Variants in SCAF8 observed in about 807,000 individuals in gnomAD.
SCAF8 encodes the protein SR-related and CTD-associated factor 8.
In SCAF8, 23 loss-of-function variants were observed where a neutral mutation model predicts 140.5. The observed-to-expected ratio is 0.16, with a 90% confidence interval of 0.12 to 0.23. The LOEUF (loss-of-function observed/expected upper bound fraction) is 0.23, where lower values mean the gene tolerates loss of function less well. Ranked by LOEUF, SCAF8 falls within the 10% of genes least tolerant of loss-of-function variation. The probability of loss-of-function intolerance (pLI) is 1.00; values close to 1 mark genes in which losing one functional copy is unlikely to be tolerated. For missense variants in SCAF8, 1,397 were observed against 1,555.7 expected, an observed-to-expected ratio of 0.90 and a Z score of 1.72; for synonymous variants, 575 against 528.9, an observed-to-expected ratio of 1.09 and a Z score of -1.20.
chr6:154,784,162 T>TTTAC (rs1777182959), intron 3 of SCAF8, among the ~76,000 whole-genome samples: 1 of 145,564 alleles, frequency 6.9e-6, no homozygotes, highest in Non-Finnish European at 1.5e-5. Flanking sequence ...TATATATTTA[T>TTTAC]TTATTTATTT....
chr6:154,746,966 G>A (rs567394937), intron 1 of SCAF8, among the ~76,000 whole-genome samples: 2 of 152,260 alleles, frequency 1.3e-5, no homozygotes, highest in South Asian at 4.1e-4. Flanking sequence ...AACCAAAACA[G>A]CAAAGCATTT....
At chr6:154,829,823 C>T (rs543098713) in intron 18 of SCAF8, among the ~76,000 whole-genome samples, 2 of 152,262 alleles carry the variant, frequency 1.3e-5, no homozygotes, top group Non-Finnish European at 2.9e-5. Flanking sequence ...AGGAGAATCA[C>T]TTGAACCCAG....
At chr6:154,743,805 G>A (rs1582994740) in intron 1 of SCAF8, among the ~76,000 whole-genome samples, 2 of 152,254 alleles carry the variant, frequency 1.3e-5, no homozygotes, top group East Asian at 3.9e-4. Context: ...AAATATATGA[G>A]TAAAATCCTC....
Position 154,817,114 on chromosome 6 carries a change from C to A in SCAF8, c.1521+1298C>A, listed in dbSNP as rs190705458. Among the ~76,000 whole-genome samples the A allele has an allele frequency of 6.9e-3, 1,056 of 152,280 alleles. 16 individuals carry two copies. The highest frequency in any genetic ancestry group is 0.024 in the African/African-American group (1,008 of 41,548). On this transcript the variant is annotated intron_variant, in intron 13 of 19. Transcript: ENST00000367178. ...TTCTCTGAAGTTTCTTTCTGATTTA[C>A]CCCTACCTTTAAACTAGTGATTCTC... is the stretch of plus-strand genomic sequence containing the variant.
chr6:154,824,367 A>T lies in SCAF8; in HGVS notation c.2060A>T (p.Gln687Leu). The T allele has an allele frequency of 6.2e-7, 1 of 1,612,746 alleles. No homozygotes were observed. The highest frequency in any genetic ancestry group is 8.5e-7 in the Non-Finnish European group (1 of 1,179,324). Residue 687 changes from glutamine (Q) to leucine (L), a missense_variant, in exon 17 of 20, where the codon CAA becomes CTA. Gln to Leu is a moderately radical substitution (Grantham distance 113, BLOSUM62 -2). This residue lies in a region of SCAF8 where 930 missense variants were observed against 874.6 expected (regional missense o/e 1.06). Transcript: ENST00000367178. ...TTAAGAGCAAGTTTTAACCCTTCACAACCACCACCTGGTAAGGAATTTTTG... is the reference window on the plus strand; with the variant it reads ...TTAAGAGCAAGTTTTAACCCTTCACTACCACCACCTGGTAAGGAATTTTTG... ...PFLRASFNPS[Q>L]PPPGFMPPPV...
intron 17 of SCAF8, among the ~76,000 whole-genome samples, 173 bp from the exon 18 acceptor site, chr6:154,826,999 A>G (rs552189217): frequency 1.3e-5 from 2 of 152,176 alleles, no homozygotes; most frequent in Non-Finnish European, 2.9e-5. Flanking sequence ...CTTATTAGGG[A>G]TCAAATAAGG....
Position 154,792,928 on chromosome 6 carries a change from G to A in SCAF8, c.427G>A (p.Val143Ile). The stretch of plus-strand genomic sequence containing the variant: ...GGCAGCCGGGATTCCGCCTCCAGTT[G>A]TCACACCTGTTTTGGCCAGCACTAC... ...DMAAGIPPPVVTPVLASTTTA... is the reference protein window; with the variant it reads ...DMAAGIPPPVITPVLASTTTA... The change falls in exon 5 of 20, where the codon GTC becomes ATC. Residue 143 changes from valine (V) to isoleucine (I), a missense_variant. Val to Ile is a conservative substitution (Grantham distance 29). Transcript: ENST00000367178. 1.2e-6 allele frequency: 2 copies of A among 1,613,822 alleles called. No homozygotes were observed. The highest frequency in any genetic ancestry group is 2.2e-5 in the East Asian group (1 of 44,848).
At chr6:154,760,577 G>T (rs1776354975) in intron 1 of SCAF8, among the ~76,000 whole-genome samples, 2 of 152,194 alleles carry the variant, frequency 1.3e-5, no homozygotes, top group East Asian at 1.9e-4. Context: ...TCTGCTAACT[G>T]TGTCTATTAG....
At chr6:154,760,974 T>A (rs116345910) in intron 1 of SCAF8, among the ~76,000 whole-genome samples, 311 of 152,052 alleles carry the variant, frequency 2.0e-3, no homozygotes, top group African/African-American at 6.5e-3. Context: ...TCTTTTTTTT[T>A]AAATTTTTGT....
At chr6:154,816,234 T>C (rs1778244290) in intron 13 of SCAF8, among the ~76,000 whole-genome samples, 1 of 152,214 alleles carries the variant, frequency 6.6e-6, no homozygotes, top group African/African-American at 2.4e-5. Flanking sequence ...GATCCCAGTT[T>C]CTTTTGCCTT....
In SCAF8 at chr6:154,810,065, A is replaced by G; in HGVS notation, c.1277A>G (p.Lys426Arg). 3 of 1,613,638 alleles carry G rather than the reference A, an allele frequency of 1.9e-6. No homozygotes were observed. The highest frequency in any genetic ancestry group is 1.3e-5 in the African/African-American group (1 of 75,014). The change falls in exon 12 of 20, where the codon AAA becomes AGA. Residue 426 changes from lysine (K) to arginine (R), a missense_variant. Lys to Arg is a conservative substitution (Grantham distance 26). Transcript: ENST00000367178. ...TCACGGTCTGGCTCTAGAAAGCGTAAACACAGAAAGCGATCACGCTCCCGC... is the reference window on the plus strand; with the variant it reads ...TCACGGTCTGGCTCTAGAAAGCGTAGACACAGAAAGCGATCACGCTCCCGC... ...SRSRSGSRKRKHRKRSRSRSR... is the reference protein window; with the variant it reads ...SRSRSGSRKRRHRKRSRSRSR...
chr6:154,742,583 T>C (rs773781275), intron 1 of SCAF8, among the ~76,000 whole-genome samples: 4 of 152,230 alleles, frequency 2.6e-5, no homozygotes, highest in Non-Finnish European at 5.9e-5. Flanking sequence ...CATGATGCAT[T>C]TGCTTTTTCT....
intron 4 of SCAF8, among the ~76,000 whole-genome samples, chr6:154,789,572 G>C (rs1328506180): frequency 7.0e-6 from 1 of 143,328 alleles, no homozygotes; most frequent in East Asian, 2.0e-4. Flanking sequence ...TTGAGACGGA[G>C]TCTTGCTCTT....
At position 154,778,769 on chromosome 6, in the gene SCAF8, ATGTGTGTGTGTG is replaced by A. The variant is rs71021079; in HGVS notation, c.159+754_159+765del. 1.8e-3 allele frequency among the ~76,000 whole-genome samples: 252 copies of A among 142,162 alleles called. 9 individuals are homozygous for A. Among genetic ancestry groups the A allele is most frequent in the South Asian group, 1.9e-3 (8 of 4,304 alleles). 93.3% of individuals were successfully genotyped at this position (142,162 alleles called of 152,430 possible). A position where few individuals can be genotyped will look rare whatever the true frequency, so the allele number is the denominator to read the frequency against. On this transcript the variant is annotated intron_variant, in intron 3 of 19. Transcript: ENST00000367178. ...ACAGAGTGAGACCCTGTCTCAAAAA[ATGTGTGTGTGTG>A]TGTGTGTGTGTGTGTGTGTGTGTGT...
intron 1 of SCAF8, among the ~76,000 whole-genome samples, chr6:154,761,010 C>G (rs536517070): frequency 6.6e-6 from 1 of 151,918 alleles, no homozygotes; most frequent in East Asian, 1.9e-4. Flanking sequence ...CTGTGCTGTG[C>G]AGGCTTGTCT....
chr6:154,779,108 C>A (rs1309244596), intron 3 of SCAF8, among the ~76,000 whole-genome samples: 2 of 152,202 alleles, frequency 1.3e-5, no homozygotes, highest in African/African-American at 2.4e-5. Flanking sequence ...TTTCGGCTCA[C>A]TGCAACCTCT....
In SCAF8 at chr6:154,788,035, T is replaced by A; in HGVS notation, c.321+13T>A. The stretch of plus-strand genomic sequence containing the variant: ...TGGGGATGACAAGGTATGCTACTGG[T>A]TTTTTTTTTTTGTTTTTTTAAAAGT... On this transcript the variant is annotated intron_variant, in intron 4 of 19. Coordinates refer to ENST00000367178, the MANE Select transcript of SCAF8 (RefSeq NM_014892.5). 2 of 605,600 alleles carry A rather than the reference T, an allele frequency of 3.3e-6. No homozygotes were observed. Among genetic ancestry groups the A allele is most frequent in the South Asian group, 7.2e-5 (2 of 27,608 alleles). The allele number at this position is 605,600 out of a possible 1,614,324, so 37.5% of individuals were successfully genotyped here. A position where few individuals can be genotyped will look rare whatever the true frequency, so the allele number is the denominator to read the frequency against.
At chr6:154,763,634 TACA>T (rs1462649423) in intron 1 of SCAF8, among the ~76,000 whole-genome samples, 1 of 152,116 alleles carries the variant, frequency 6.6e-6, no homozygotes, top group African/African-American at 2.4e-5. Flanking sequence ...AGCATGAAGG[TACA>T]ACATTTTGTT....
At chr6:154,781,079 AGTT>A in intron 3 of SCAF8, among the ~76,000 whole-genome samples, 1 of 152,252 alleles carries the variant, frequency 6.6e-6, no homozygotes, top group Non-Finnish European at 1.5e-5. Flanking sequence ...CTGGTGTGAG[AGTT>A]TATCTCGTTG....
Sources: gnomAD v4.1 joint callset for allele counts (sites outside exome capture counted in the v4.1 genomes callset) on GRCh38, gnomAD v4.1.1 for gene constraint, gnomAD v4.1.1 regional missense constraint, MANE v1.5 for transcripts, NCBI Gene and HGNC (gene_info 2026-07-23, HGNC 2026-07-21) for gene names.